The following RIMS2 variants were observed in gnomAD, a reference collection of about 807,000 sequenced individuals.
RIMS2 encodes regulating synaptic membrane exocytosis 2, also known as regulating synaptic membrane exocytosis protein 2.
RIMS2 carries 59 observed loss-of-function variants against 174.4 expected under a neutral mutation model. That is an observed-to-expected ratio of 0.34 (90% CI 0.27 to 0.42). The LOEUF is 0.42. RIMS2 is among the 10% of genes least tolerant of loss of function. The probability of loss-of-function intolerance (pLI) is 1.00; values close to 1 mark genes in which losing one functional copy is unlikely to be tolerated. For missense variants in RIMS2, 1,620 were observed against 1,666.3 expected, an observed-to-expected ratio of 0.97 and a Z score of 0.48; for synonymous variants, 606 against 572.5, an observed-to-expected ratio of 1.06 and a Z score of -0.84.
At chr8:104,143,699 T>C (rs1040539493) in intron 19 of RIMS2, among the ~76,000 whole-genome samples, 7 of 152,202 alleles carry the variant, frequency 4.6e-5, no homozygotes, top group African/African-American at 1.7e-4. Flanking sequence ...ATGTTATGAA[T>C]AGTTTCACTC....
intron 19 of RIMS2, among the ~76,000 whole-genome samples, chr8:104,073,201 A>G (rs1161131507): frequency 6.6e-6 from 1 of 152,200 alleles, no homozygotes; most frequent in Non-Finnish European, 1.5e-5. Flanking sequence ...ATAATTATCA[A>G]TACTTAAAAG....
At chr8:103,814,442 A>C (rs1031464240) in intron 3 of RIMS2, among the ~76,000 whole-genome samples, 24 of 152,110 alleles carry the variant, frequency 1.6e-4, no homozygotes, top group African/African-American at 5.8e-4. Context: ...AAAACTTAAA[A>C]AGAAAGAATT....
At chr8:103,542,212 C>T (rs2469984) in intron 1 of RIMS2, among the ~76,000 whole-genome samples, 98,152 of 151,994 alleles carry the variant, frequency 0.65, 32,404 homozygotes, top group African/African-American at 0.7. Context: ...CTATGAATAA[C>T]TATACACCAA....
chr8:104,096,132 A>G (rs1341496827), intron 19 of RIMS2, among the ~76,000 whole-genome samples: 3 of 152,126 alleles, frequency 2.0e-5, no homozygotes, highest in African/African-American at 7.2e-5. Context: ...TCACTAATTC[A>G]CAGAGAAAAG....
At chr8:104,128,310 CA>C (rs1490111516) in intron 19 of RIMS2, among the ~76,000 whole-genome samples, 1 of 152,104 alleles carries the variant, frequency 6.6e-6, no homozygotes, top group African/African-American at 2.4e-5. Context: ...GATATTTGAT[CA>C]AACAATTGCC....
In RIMS2 at chr8:104,148,727, C is replaced by T. The variant is rs188924401; in HGVS notation, c.3335-96189C>T. The T allele has an allele frequency of 4.2e-3, 6,705 of 1,598,354 alleles. 19 individuals carry two copies. The highest frequency in any genetic ancestry group is 5.2e-3 in the Non-Finnish European group (6,166 of 1,179,766). On this transcript the variant is annotated intron_variant, in intron 19 of 23. Coordinates refer to ENST00000504942, the Ensembl canonical transcript of RIMS2. ...AGAAGAATGATGGCAGCCAGTCTGA[C>T]ACTGCAGTGGGCACCTTGGGCACCA...
At chr8:104,197,454 G>A (rs1315713188) in intron 19 of RIMS2, among the ~76,000 whole-genome samples, 1 of 152,144 alleles carries the variant, frequency 6.6e-6, no homozygotes, top group Non-Finnish European at 1.5e-5. Flanking sequence ...TAGGATTATA[G>A]GCGTGAGCCA....
intron 19 of RIMS2, among the ~76,000 whole-genome samples, chr8:104,066,529 A>C (rs567201888): frequency 6.6e-6 from 1 of 152,136 alleles, no homozygotes; most frequent in African/African-American, 2.4e-5. Flanking sequence ...TGTTGGGCTC[A>C]TTTTTTTATT....
intron 1 of RIMS2, among the ~76,000 whole-genome samples, chr8:103,574,674 G>T (rs1309064552): frequency 6.6e-6 from 1 of 152,108 alleles, no homozygotes; most frequent in Non-Finnish European, 1.5e-5. Flanking sequence ...CGTTGTTTCA[G>T]TGTTACGAGT....
At chr8:104,197,112 T>G (rs1366290283) in intron 19 of RIMS2, among the ~76,000 whole-genome samples, 1 of 152,140 alleles carries the variant, frequency 6.6e-6, no homozygotes, top group Non-Finnish European at 1.5e-5. Context: ...CAATTTATTT[T>G]GATGGTATGT....
intron 1 of RIMS2, among the ~76,000 whole-genome samples, chr8:103,674,290 T>TC (rs2096781551): frequency 6.6e-6 from 1 of 152,116 alleles, no homozygotes; most frequent in Non-Finnish European, 1.5e-5. Context: ...ATTACCCAGT[T>TC]CCCAAGTTGC....
chr8:104,033,440 TG>T (rs1229787257), intron 19 of RIMS2, among the ~76,000 whole-genome samples: 2 of 152,048 alleles, frequency 1.3e-5, no homozygotes, highest in African/African-American at 4.8e-5. Context: ...TGAATATGTT[TG>T]TGGCCATATG....
At chr8:103,621,099 G>T (rs2095623921) in intron 1 of RIMS2, among the ~76,000 whole-genome samples, 1 of 152,182 alleles carries the variant, frequency 6.6e-6, no homozygotes, top group Non-Finnish European at 1.5e-5. Context: ...TGAGTTCCCT[G>T]AAAGTAGGGA....
intron 19 of RIMS2, among the ~76,000 whole-genome samples, chr8:104,119,003 A>G (rs2132209767): frequency 6.6e-6 from 1 of 152,232 alleles, no homozygotes; most frequent in East Asian, 1.9e-4. Flanking sequence ...TGGTATCACC[A>G]GGAATTTTTG....
chr8:103,831,359 T>C (rs2098824853), intron 3 of RIMS2, among the ~76,000 whole-genome samples: 2 of 152,192 alleles, frequency 1.3e-5, no homozygotes, highest in South Asian at 4.1e-4. Flanking sequence ...AGGGCTTTTC[T>C]TTTCTTTCTG....
chr8:103,501,832 C>G (rs1352291359), intron 1 of RIMS2, among the ~76,000 whole-genome samples: 2 of 152,212 alleles, frequency 1.3e-5, no homozygotes, highest in African/African-American at 4.8e-5. Flanking sequence ...ACGGTCTTGG[C>G]AGGCCGGGTT....
chr8:104,156,045 C>T (rs1181883583), intron 19 of RIMS2, among the ~76,000 whole-genome samples: 5 of 152,150 alleles, frequency 3.3e-5, no homozygotes, highest in Non-Finnish European at 1.5e-5. Flanking sequence ...TTAAAACTAA[C>T]TATGAGAAAA....
At chr8:104,030,925 T>A (rs1010965508) in intron 19 of RIMS2, among the ~76,000 whole-genome samples, 2 of 152,296 alleles carry the variant, frequency 1.3e-5, no homozygotes, top group South Asian at 2.1e-4. Flanking sequence ...TATGAATGTA[T>A]GGGGTTTTGC....
intron 2 of RIMS2, among the ~76,000 whole-genome samples, chr8:103,735,863 A>G (rs1249591131): frequency 6.6e-6 from 1 of 152,126 alleles, no homozygotes; most frequent in Admixed American, 6.6e-5. Flanking sequence ...TTGTCAGTAG[A>G]TGAACTTTTT....
Sources: gnomAD v4.1 joint callset for allele counts (sites outside exome capture counted in the v4.1 genomes callset) on GRCh38, gnomAD v4.1.1 for gene constraint, MANE v1.5 for transcripts, NCBI Gene and HGNC (gene_info 2026-07-23, HGNC 2026-07-21) for gene names.